DPP6: variants seen among roughly 807,000 people sequenced by gnomAD.
DPP6 encodes the protein dipeptidyl peptidase like 6, also known as A-type potassium channel modulatory protein DPP6.
DPP6 carries 69 observed loss-of-function variants against 122.6 expected under a neutral mutation model. The observed-to-expected ratio is 0.56, with a 90% CI of 0.46 to 0.69. DPP6 has a LOEUF of 0.69. DPP6 is among the 30% of genes least tolerant of loss of function. DPP6 has a pLI of 0.00. For missense variants in DPP6, 928 were observed against 1,116.9 expected (o/e 0.83, Z 2.41); for synonymous variants, 418 against 433.1 (o/e 0.97, Z 0.43).
chr7:154,150,071 G>A (rs1241070821), intron 1 of DPP6, among the ~76,000 whole-genome samples: 1 of 152,250 alleles, frequency 6.6e-6, no homozygotes, highest in African/African-American at 2.4e-5. Flanking sequence ...ACTGTCCAGA[G>A]AAGGGATCAC....
At chr7:154,015,667 C>A (rs895962189) in intron 1 of DPP6, among the ~76,000 whole-genome samples, 2 of 152,144 alleles carry the variant, frequency 1.3e-5, no homozygotes, top group Admixed American at 6.5e-5. Flanking sequence ...TCTAACCATT[C>A]AGCAAGCCTC....
intron 4 of DPP6, among the ~76,000 whole-genome samples, chr7:154,563,579 T>A (rs1213219753): frequency 6.6e-6 from 1 of 152,162 alleles, no homozygotes; most frequent in Non-Finnish European, 1.5e-5. Context: ...ATTTTGAAGG[T>A]AAACCAATGG....
intron 10 of DPP6, among the ~76,000 whole-genome samples, chr7:154,779,105 AC>A (rs145652128): frequency 6.2e-4 from 7 of 11,306 alleles, no homozygotes; most frequent in African/African-American, 2.0e-3. Flanking sequence ...CACCACCACC[AC>A]CCCCACCATC....
chr7:154,211,365 C>G (rs555310737), intron 1 of DPP6, among the ~76,000 whole-genome samples: 1 of 152,224 alleles, frequency 6.6e-6, no homozygotes, highest in African/African-American at 2.4e-5. Flanking sequence ...CAGGAGGATT[C>G]CACACCTGAG....
At chr7:154,066,045 T>G (rs868627799) in intron 1 of DPP6, among the ~76,000 whole-genome samples, 1,397 of 136,786 alleles carry the variant, frequency 0.01, 18 homozygotes, top group African/African-American at 0.041. Context: ...TCAGATTTGT[T>G]TTTTTTTTTT....
intron 1 of DPP6, among the ~76,000 whole-genome samples, chr7:154,362,678 G>A (rs1226420228): frequency 1.3e-5 from 2 of 151,322 alleles, no homozygotes; most frequent in South Asian, 2.1e-4. Context: ...ACCCACCTCA[G>A]CCTCCCAAAG....
intron 2 of DPP6, among the ~76,000 whole-genome samples, chr7:154,450,375 A>T (rs1166020868): frequency 6.6e-6 from 1 of 152,226 alleles, no homozygotes; most frequent in African/African-American, 2.4e-5. Flanking sequence ...TATATATTTT[A>T]AAAACACTGA....
chr7:154,606,068 G>A (rs1489898830), intron 5 of DPP6, among the ~76,000 whole-genome samples: 1 of 119,868 alleles, frequency 8.3e-6, no homozygotes, highest in Non-Finnish European at 1.9e-5. Flanking sequence ...TGAAATTTCT[G>A]TATATTTGAG....
At chr7:154,130,731 C>T (rs771015524) in intron 1 of DPP6, among the ~76,000 whole-genome samples, 3 of 151,968 alleles carry the variant, frequency 2.0e-5, no homozygotes, top group Non-Finnish European at 4.4e-5. Context: ...GCCTCTGTTT[C>T]TCCAGTGCAG....
chr7:154,487,876 C>T (rs906817650), intron 3 of DPP6, among the ~76,000 whole-genome samples: 11 of 152,226 alleles, frequency 7.2e-5, no homozygotes, highest in Admixed American at 4.6e-4. Flanking sequence ...AACTGAGCAC[C>T]GTCCCCTGTG....
chr7:153,997,246 C>G (rs1388110041), intron 1 of DPP6, among the ~76,000 whole-genome samples: 1 of 152,160 alleles, frequency 6.6e-6, no homozygotes, highest in African/African-American at 2.4e-5. Context: ...ACTCCACTCC[C>G]CACTCACCAG....
chr7:154,235,663 G>T (rs1801167351), intron 1 of DPP6, among the ~76,000 whole-genome samples: 1 of 152,056 alleles, frequency 6.6e-6, no homozygotes, highest in Non-Finnish European at 1.5e-5. Context: ...TGCCCAGTTT[G>T]CTGTTCCAAA....
chr7:154,202,441 AT>A (rs1271790259), intron 1 of DPP6, among the ~76,000 whole-genome samples: 1 of 152,150 alleles, frequency 6.6e-6, no homozygotes, highest in Non-Finnish European at 1.5e-5. Flanking sequence ...CTTCCATTTC[AT>A]TTTGGTTAGT....
intron 7 of DPP6, among the ~76,000 whole-genome samples, chr7:154,721,236 G>A (rs559848108): frequency 2.5e-4 from 38 of 152,338 alleles, no homozygotes; most frequent in African/African-American, 5.3e-4. Flanking sequence ...AACCTGCTGC[G>A]TAAGGTCCAA....
At chr7:153,951,825 C>T (rs191296682) in intron 1 of DPP6, among the ~76,000 whole-genome samples, 8 of 152,154 alleles carry the variant, frequency 5.3e-5, no homozygotes, top group Admixed American at 1.3e-4. Context: ...TGGGGATCAC[C>T]TGAGCTCAGG....
At chr7:154,612,302 T>C (rs6597439) in intron 5 of DPP6, among the ~76,000 whole-genome samples, 10,698 of 152,304 alleles carry the variant, frequency 0.07, 380 homozygotes, top group Non-Finnish European at 0.074. Flanking sequence ...CGTGATACTC[T>C]GACAGCCACA....
intron 3 of DPP6, among the ~76,000 whole-genome samples, chr7:154,517,816 G>A (rs1433232971): frequency 6.6e-6 from 1 of 152,088 alleles, no homozygotes; most frequent in East Asian, 1.9e-4. Context: ...AACAGAACTT[G>A]GGCACTTAAG....
At chr7:154,165,777 A>C (rs764326584) in intron 1 of DPP6, among the ~76,000 whole-genome samples, 2 of 152,082 alleles carry the variant, frequency 1.3e-5, no homozygotes, top group African/African-American at 2.4e-5. Flanking sequence ...GCATTTTTTC[A>C]TGTGATTTTT....
At chr7:154,343,603 CAG>C (rs1480638579) in intron 1 of DPP6, among the ~76,000 whole-genome samples, 3 of 152,152 alleles carry the variant, frequency 2.0e-5, no homozygotes, top group African/African-American at 4.8e-5. Flanking sequence ...GTTTTTGAAA[CAG>C]AGTCTTTCTC....
Sources: gnomAD v4.1 joint callset for allele counts (sites outside exome capture counted in the v4.1 genomes callset) on GRCh38, gnomAD v4.1.1 for gene constraint, MANE v1.5 for transcripts, NCBI Gene and HGNC (gene_info 2026-07-23, HGNC 2026-07-21) for gene names.